The following ARHGEF26 variants were observed in gnomAD, a reference collection of about 807,000 sequenced individuals.
ARHGEF26 encodes Rho guanine nucleotide exchange factor (GEF) 26.
A neutral mutation model predicts 89.4 loss-of-function variants in ARHGEF26; 59 were observed. The observed-to-expected ratio is 0.66, with a 90% confidence interval of 0.54 to 0.82. The LOEUF (loss-of-function observed/expected upper bound fraction) is 0.82, where lower values mean the gene tolerates loss of function less well. ARHGEF26 is among the 40% of genes least tolerant of loss of function. ARHGEF26 has a pLI of 0.00. For missense variants in ARHGEF26, 1,234 were observed against 1,085.6 expected (o/e 1.14, Z -1.92); for synonymous variants, 500 against 428.4 (o/e 1.17, Z -2.06).
intron 6 of ARHGEF26, among the ~76,000 whole-genome samples, chr3:154,168,203 A>C (rs1042712723): frequency 3.3e-5 from 5 of 152,210 alleles, no homozygotes; most frequent in Non-Finnish European, 7.3e-5. Context: ...AGCTAAGGCT[A>C]GAACTCAGGA....
rs187933754 is a variant in ARHGEF26, at chr3:154,140,080, A to G, written c.1270-9309A>G. On this transcript the variant is annotated intron_variant, in intron 4 of 14. Transcript: ENST00000465093. The stretch of plus-strand genomic sequence containing the variant: ...TGATTGTTGTGTGCCCACCTGGGCA[A>G]CAGGGAGCCCTTATATCCACATGGG... 1.0e-4 allele frequency among the ~76,000 whole-genome samples: 14 copies of G among 138,634 alleles called. No homozygotes were observed. The East Asian group carries it at 1.6e-3, about 15-fold the overall frequency. The allele number at this position is 138,634 out of a possible 152,430, so 90.9% of individuals were successfully genotyped here.
intron 11 of ARHGEF26, among the ~76,000 whole-genome samples, chr3:154,231,139 G>A (rs1716801564): frequency 6.6e-6 from 1 of 152,190 alleles, no homozygotes; most frequent in South Asian, 2.1e-4. Flanking sequence ...CATGAAGCTT[G>A]CTTATTTCTG....
In ARHGEF26 at chr3:154,129,701, A is replaced by G. The variant is rs746421883; in HGVS notation, c.1251A>G (p.Thr417=). The G allele has an allele frequency of 2.5e-6, 4 of 1,612,442 alleles. No individual in the cohort carries two copies. In the Admixed American group the frequency reaches 6.7e-5, roughly 27 times the overall value. ...IVIHHKPLRS[T]WSQLSAVKRK... Reference sequence around the variant, plus strand: ...TTCACCATAAGCCATTGAGATCCACATGGAGCCAACTCTCTGCGGTGAGTG... The same window carrying G: ...TTCACCATAAGCCATTGAGATCCACGTGGAGCCAACTCTCTGCGGTGAGTG... The change falls in exon 4 of 15, where the codon ACA becomes ACG. Residue 417 remains threonine (T), a synonymous_variant. Coordinates refer to ENST00000465093, the MANE Select transcript of ARHGEF26 (RefSeq NM_015595.4).
At chr3:154,152,488 C>T (rs1277343081) in intron 5 of ARHGEF26, among the ~76,000 whole-genome samples, 1 of 152,092 alleles carries the variant, frequency 6.6e-6, no homozygotes, top group African/African-American at 2.4e-5. Flanking sequence ...TAGATTCTAC[C>T]CCTTGGCAAA....
At chr3:154,152,666 C>T (rs1348165636) in intron 5 of ARHGEF26, 106 bp from the exon 6 acceptor site, 3 of 793,656 alleles carry the variant, frequency 3.8e-6, no homozygotes, top group Non-Finnish European at 5.4e-6. Context: ...AGATACTATA[C>T]CTGAAAAGTG....
At chr3:154,238,259 A>G (rs1717249968) in intron 11 of ARHGEF26, among the ~76,000 whole-genome samples, 1 of 152,232 alleles carries the variant, frequency 6.6e-6, no homozygotes, top group Non-Finnish European at 1.5e-5. Context: ...TATTTGACAT[A>G]TCCAAGTGTG....
At chr3:154,154,186 A>T (rs1049792726) in intron 6 of ARHGEF26, among the ~76,000 whole-genome samples, 1 of 152,102 alleles carries the variant, frequency 6.6e-6, no homozygotes, top group Non-Finnish European at 1.5e-5. Flanking sequence ...CTTTGATCTT[A>T]ACAATTTTTG....
At chr3:154,176,209 C>G (rs951993938) in intron 6 of ARHGEF26, among the ~76,000 whole-genome samples, 3 of 152,128 alleles carry the variant, frequency 2.0e-5, no homozygotes, top group African/African-American at 7.2e-5. Context: ...TAGGCAGTTT[C>G]TTTAGTATTT....
At chr3:154,211,921 T>C (rs1715392696) in intron 9 of ARHGEF26, among the ~76,000 whole-genome samples, 1 of 151,974 alleles carries the variant, frequency 6.6e-6, no homozygotes, top group African/African-American at 2.4e-5. Flanking sequence ...CCCAGAATCA[T>C]GCACATTACA....
intron 5 of ARHGEF26, among the ~76,000 whole-genome samples, chr3:154,150,137 C>CTTTT (rs11415597): frequency 7.3e-6 from 1 of 137,442 alleles, no homozygotes. Context: ...CAAGGATGTC[C>CTTTT]TTTTTTTTTT....
At chr3:154,127,592 A>T (rs1408673530) in intron 3 of ARHGEF26, among the ~76,000 whole-genome samples, 1 of 109,548 alleles carries the variant, frequency 9.1e-6, no homozygotes, top group African/African-American at 3.8e-5. Context: ...GCTGTTTCAC[A>T]GTTAACTATT....
rs750167888 is a variant in ARHGEF26, at chr3:154,122,401, G to GCGC, written c.424_426dup (p.Pro142dup). On this transcript the variant is annotated inframe_insertion, in exon 2 of 15. Coordinates refer to ENST00000465093, the MANE Select transcript of ARHGEF26 (RefSeq NM_015595.4). ...AGCAAATGGCGCGGTGACCTTGCCTGCGCCGCCGCCGCCGCCGGTTCTGCG... is the reference window on the plus strand; with the variant it reads ...AGCAAATGGCGCGGTGACCTTGCCTGCGCCGCCGCCGCCGCCGCCGGTTCTGCG... 4.8e-5 allele frequency: 77 copies of GCGC among 1,606,784 alleles called. No homozygotes were observed. Among genetic ancestry groups the GCGC allele is most frequent in the Admixed American group, 1.7e-4 (10 of 59,418 alleles).
In ARHGEF26 at chr3:154,253,186, A is replaced by G; in HGVS notation, c.2368+3A>G. The stretch of plus-strand genomic sequence containing the variant: ...GAAGCCGCCTGCAGACCGAACCTGT[A>G]AGTTCTCTCAAGGGGAAGCCCACTT... On this transcript the variant is annotated splice_donor_region_variant and intron_variant, in intron 13 of 14. Transcript: ENST00000465093. 6.2e-7 allele frequency: 1 copy of G among 1,613,998 alleles called. No homozygotes were observed. The highest frequency in any genetic ancestry group is 8.5e-7 in the Non-Finnish European group (1 of 1,179,862).
At chr3:154,234,648 CTG>C (rs754931665) in intron 11 of ARHGEF26, among the ~76,000 whole-genome samples, 1 of 152,200 alleles carries the variant, frequency 6.6e-6, no homozygotes, top group Non-Finnish European at 1.5e-5. Flanking sequence ...CCAGACATGT[CTG>C]TGTCAACTCG....
At chr3:154,146,760 G>C (rs1299687511) in intron 4 of ARHGEF26, among the ~76,000 whole-genome samples, 1 of 152,082 alleles carries the variant, frequency 6.6e-6, no homozygotes, top group African/African-American at 2.4e-5. Flanking sequence ...CTGTAGTATT[G>C]TTCATTTTCT....
At position 154,129,589 on chromosome 3, in the gene ARHGEF26, A is replaced by T; in HGVS notation, c.1139A>T (p.Tyr380Phe). 6.2e-7 allele frequency: 1 copy of T among 1,611,914 alleles called. No individual in the cohort carries two copies. Among genetic ancestry groups the T allele is most frequent in the Non-Finnish European group, 8.5e-7 (1 of 1,178,918 alleles). ...TFDGEENAVL[Y>F]QNYKEKALDI... ...TTTCTTGCAGAAAATGCTGTCCTGT[A>T]TCAAAACTACAAGGAAAAGGCCCTT... Residue 380 changes from tyrosine to phenylalanine, a missense_variant, in exon 4 of 15, where the codon TAT (tyrosine) becomes TTT (phenylalanine). By Grantham distance (22) the Tyr-to-Phe change is conservative. Transcript: ENST00000465093.
intron 5 of ARHGEF26, among the ~76,000 whole-genome samples, chr3:154,150,192 G>A (rs575684527): frequency 1.9e-4 from 26 of 140,058 alleles, no homozygotes; most frequent in African/African-American, 6.5e-4. Flanking sequence ...GTGCAGTATA[G>A]TGCCATTTTT....
intron 11 of ARHGEF26, among the ~76,000 whole-genome samples, chr3:154,230,181 TGTTA>T (rs144693346): frequency 0.011 from 1,628 of 152,316 alleles, 23 homozygotes; most frequent in African/African-American, 0.037. Flanking sequence ...TTCCTTACTG[TGTTA>T]GTTTCTTACA....
chr3:154,130,206 G>A (rs1718604155), intron 4 of ARHGEF26, among the ~76,000 whole-genome samples: 1 of 132,668 alleles, frequency 7.5e-6, no homozygotes, highest in Non-Finnish European at 1.5e-5. Context: ...GAGTTCAGTG[G>A]CGTGATCTCG....
Sources: gnomAD v4.1 joint callset for allele counts (sites outside exome capture counted in the v4.1 genomes callset) on GRCh38, gnomAD v4.1.1 for gene constraint, MANE v1.5 for transcripts, NCBI Gene and HGNC (gene_info 2026-07-23, HGNC 2026-07-21) for gene names.